The following UBAP2 variants were observed in gnomAD, a reference collection of about 807,000 sequenced individuals.
UBAP2 encodes ubiquitin associated protein 2.
In UBAP2, 75 loss-of-function variants were observed where a neutral mutation model predicts 139.6. The observed-to-expected ratio is 0.54, with a 90% CI of 0.45 to 0.65. The LOEUF (loss-of-function observed/expected upper bound fraction) is 0.65, where lower values mean the gene tolerates loss of function less well. Among genes scored for constraint, UBAP2 ranks in the 30% least tolerant of loss-of-function variants. The pLI, the probability that UBAP2 is intolerant of heterozygous loss-of-function variation, is 0.00. For missense variants in UBAP2, 1,368 were observed against 1,369.6 expected (o/e 1.00, Z 0.02); for synonymous variants, 526 against 526.2 (o/e 1.00, Z 0.01).
intron 10 of UBAP2, among the ~76,000 whole-genome samples, chr9:33,959,180 T>G (rs577374995): frequency 6.6e-6 from 1 of 152,186 alleles, no homozygotes; most frequent in Non-Finnish European, 1.5e-5. Flanking sequence ...AGTACTTATT[T>G]TTTACAAGGT....
At chr9:33,958,266 G>A (rs1202693197) in intron 10 of UBAP2, among the ~76,000 whole-genome samples, 1 of 150,980 alleles carries the variant, frequency 6.6e-6, no homozygotes, top group African/African-American at 2.4e-5. Context: ...CTGCCCCAAG[G>A]TAGTATATTT....
intron 1 of UBAP2, among the ~76,000 whole-genome samples, chr9:34,040,799 C>A (rs1543604): frequency 0.23 from 35,251 of 152,150 alleles, 5,291 homozygotes; most frequent in East Asian, 0.59. Context: ...GAACTTTTTC[C>A]AGACACCTAG....
At chr9:34,020,167 A>C (rs1045345548) in intron 1 of UBAP2, among the ~76,000 whole-genome samples, 21 of 151,466 alleles carry the variant, frequency 1.4e-4, no homozygotes, top group African/African-American at 4.8e-4. Context: ...AAAAAAAAAA[A>C]AAAACTAAGA....
At chr9:33,982,882 T>G (rs1479610344) in intron 6 of UBAP2, among the ~76,000 whole-genome samples, 2 of 149,158 alleles carry the variant, frequency 1.3e-5, no homozygotes, top group African/African-American at 2.5e-5. Context: ...TTTTTTTTGT[T>G]TTTTTTTTTT....
chr9:33,977,326 C>CG (rs1820224007), intron 6 of UBAP2, among the ~76,000 whole-genome samples: 2 of 151,934 alleles, frequency 1.3e-5, no homozygotes, highest in South Asian at 4.2e-4. Flanking sequence ...CGTGAACCAC[C>CG]GCGCCCAGCC....
At chr9:33,965,945 G>C (rs1041253170) in intron 8 of UBAP2, among the ~76,000 whole-genome samples, 7 of 152,074 alleles carry the variant, frequency 4.6e-5, no homozygotes, top group African/African-American at 1.7e-4. Context: ...GGCACTTGGG[G>C]AGGCTGAGGC....
intron 11 of UBAP2, among the ~76,000 whole-genome samples, chr9:33,955,193 A>AC (rs1457658137): frequency 6.6e-6 from 1 of 152,044 alleles, no homozygotes; most frequent in African/African-American, 2.4e-5. Context: ...AAAAAAAAAA[A>AC]AAACAGGTCT....
At position 33,960,648 on chromosome 9, in the gene UBAP2, C is replaced by T. The variant is rs140796836; in HGVS notation, c.798+178G>A. Among the ~76,000 whole-genome samples, 1,449 of 151,964 alleles carry T rather than the reference C, an allele frequency of 9.5e-3. 10 individuals are homozygous for T. The highest frequency in any genetic ancestry group is 0.014 in the Non-Finnish European group (962 of 67,958). On this transcript the variant is annotated intron_variant, in intron 10 of 28. Coordinates refer to ENST00000379238, the MANE Select transcript of UBAP2 (RefSeq NM_001370062.2). ...ATACAAAATTAGCCAGGCATGGTGGCGCACATCTGTAATCCCAGCTATTTG... is the reference window on the plus strand; with the variant it reads ...ATACAAAATTAGCCAGGCATGGTGGTGCACATCTGTAATCCCAGCTATTTG...
At chr9:33,945,822 C>T (rs1057378941) in intron 13 of UBAP2, among the ~76,000 whole-genome samples, 1 of 152,138 alleles carries the variant, frequency 6.6e-6, no homozygotes, top group Non-Finnish European at 1.5e-5. Flanking sequence ...TTTTATAAAA[C>T]CAGTACTATA....
intron 8 of UBAP2, among the ~76,000 whole-genome samples, chr9:33,965,764 G>A (rs538910967): frequency 6.6e-6 from 1 of 152,276 alleles, no homozygotes; most frequent in East Asian, 1.9e-4. Context: ...ATCAGGGAGT[G>A]TGGGCCGGGT....
At position 33,948,406 on chromosome 9, in the gene UBAP2, G is replaced by T. The variant is rs773057963; in HGVS notation, c.1238C>A (p.Pro413Gln). The T allele has an allele frequency of 6.2e-7, 1 of 1,613,160 alleles. No homozygotes were observed. Among genetic ancestry groups the T allele is most frequent in the Admixed American group, 1.7e-5 (1 of 59,994 alleles). Reference protein sequence around the residue: ...TTTTSWDLKPPTSQSSVLSHL... With the variant: ...TTTTSWDLKPQTSQSSVLSHL... ...ACTGAGGACTGAGGACTGGGATGTT[G>T]GGGGCTTGAGGTCCCAAGAAGTAGT... The change falls in exon 13 of 29, where the codon CCA becomes CAA. Residue 413 changes from proline (P) to glutamine (Q), a missense_variant. Transcript: ENST00000379238.
chr9:33,985,583 C>T (rs1055186629), intron 6 of UBAP2, among the ~76,000 whole-genome samples: 1 of 152,144 alleles, frequency 6.6e-6, no homozygotes, highest in African/African-American at 2.4e-5. Flanking sequence ...ATAAATATCA[C>T]ACGTACTCAC....
chr9:33,956,221 G>T, intron 10 of UBAP2, 75 bp from the exon 11 acceptor site: 1 of 956,520 alleles, frequency 1.0e-6, no homozygotes, highest in Non-Finnish European at 1.7e-6. Flanking sequence ...CTGATCATTT[G>T]TAGTCATCAG....
chr9:34,041,478 A>C (rs182033719), intron 1 of UBAP2, among the ~76,000 whole-genome samples: 1,694 of 150,876 alleles, frequency 0.011, 32 homozygotes, highest in African/African-American at 0.038. Flanking sequence ...AAAAAAAAAA[A>C]AAACAAACAA....
At chr9:34,025,902 C>T (rs543255350) in intron 1 of UBAP2, among the ~76,000 whole-genome samples, 1 of 152,056 alleles carries the variant, frequency 6.6e-6, no homozygotes, top group Non-Finnish European at 1.5e-5. Context: ...TTTTCAAGGA[C>T]CTTTCTGAAG....
At chr9:34,044,905 T>G (rs566523944) in intron 1 of UBAP2, among the ~76,000 whole-genome samples, 1 of 152,214 alleles carries the variant, frequency 6.6e-6, no homozygotes, top group South Asian at 2.1e-4. Flanking sequence ...TTACCTAGTC[T>G]TAAATAAAAC....
chr9:33,993,897 T>TC (rs139592812), intron 4 of UBAP2, among the ~76,000 whole-genome samples: 1,228 of 13,452 alleles, frequency 0.091, 14 homozygotes, highest in Middle Eastern at 0.17. Context: ...CTTTGCTTTC[T>TC]TTTTTTTTTT....
chr9:33,967,276 C>T (rs1162411322), intron 8 of UBAP2, among the ~76,000 whole-genome samples: 1 of 152,154 alleles, frequency 6.6e-6, no homozygotes, highest in Admixed American at 6.5e-5. Flanking sequence ...TCACAAAAAA[C>T]AACGGTTTAT....
At chr9:33,954,240 A>G (rs1826346514) in intron 11 of UBAP2, among the ~76,000 whole-genome samples, 1 of 136,128 alleles carries the variant, frequency 7.3e-6, no homozygotes, top group African/African-American at 2.6e-5. Context: ...TTTACATTCT[A>G]TCCCATAATA....
Sources: allele counts gnomAD v4.1 joint callset (sites outside exome capture counted in the v4.1 genomes callset), GRCh38; gene constraint gnomAD v4.1.1; transcripts MANE v1.5; gene names NCBI Gene and HGNC (gene_info 2026-07-23, HGNC 2026-07-21).